LILRA2: variants seen among roughly 807,000 people sequenced by gnomAD.
The protein encoded by LILRA2 is leukocyte immunoglobulin-like receptor subfamily A member 2.
Under a neutral mutation model 47.9 loss-of-function variants are expected in LILRA2, and 45 were observed. That is an observed-to-expected ratio of 0.94 (90% confidence interval 0.74 to 1.20). The LOEUF is 1.20. Ranked by LOEUF, LILRA2 falls within the 50% of genes most tolerant of loss-of-function variation. LILRA2 has a pLI of 0.00. For synonymous variants in LILRA2, 279 were observed against 249.2 expected (o/e 1.12, Z -1.13); for missense variants, 651 against 598.2 (o/e 1.09, Z -0.92).
chr19:54,573,473 A>C (rs181034129), upstream of LILRA2: 238 of 1,084,224 alleles, frequency 2.2e-4, 2 homozygotes, highest in East Asian at 5.1e-3. Flanking sequence ...GGACGGGCTG[A>C]AGGAGGGAGG....
chr19:54,574,085 T>C lies in LILRA2; in HGVS notation c.44T>C (p.Leu15Pro), dbSNP rs769478821. ...GGGAACTCTCTTCCAGGGCTGAGTC[T>C]GGGCCCCAGGACCCACGTGCAGGCA... Reference protein sequence around the residue: ...LTVLICLGLSLGPRTHVQAGH... With the variant: ...LTVLICLGLSPGPRTHVQAGH... Residue 15 changes from leucine (L) to proline (P), a missense_variant, in exon 2 of 8, where the codon CTG becomes CCG. By Grantham distance (98) the Leu-to-Pro change is moderately conservative. Coordinates refer to ENST00000391738, the MANE Select transcript of LILRA2 (RefSeq NM_001130917.3). 1.9e-6 allele frequency: 3 copies of C among 1,614,224 alleles called. No individual in the cohort carries two copies. The highest frequency in any genetic ancestry group is 1.7e-6 in the Non-Finnish European group (2 of 1,180,032).
chr19:54,587,525 G>A lies in LILRA2; in HGVS notation c.*179G>A. On this transcript the variant is annotated 3_prime_UTR_variant, in exon 8 of 8. Coordinates refer to ENST00000391738, the MANE Select transcript of LILRA2 (RefSeq NM_001130917.3). ...AAACTGTCTGGGGTGATTCCTAGAA[G>A]ATCATTAAACTGTGGTACATTTTTT... 9.3e-7 allele frequency: 1 copy of A among 1,073,160 alleles called. No individual in the cohort carries two copies. The highest frequency in any genetic ancestry group is 1.3e-6 in the Non-Finnish European group (1 of 767,502). The allele number at this position is 1,073,160 out of a possible 1,614,324, so 66.5% of individuals were successfully genotyped here. A position where few individuals can be genotyped will look rare whatever the true frequency, so the allele number is the denominator to read the frequency against.
intron 6 of LILRA2, among the ~76,000 whole-genome samples, chr19:54,582,330 G>C (rs1163017637): frequency 6.6e-6 from 1 of 152,166 alleles, no homozygotes; most frequent in Non-Finnish European, 1.5e-5. Context: ...CCATTGACTG[G>C]AGTAGTTTCA....
rs1332050504 is a variant in LILRA2, at chr19:54,574,841, T to C, written c.463T>C (p.Cys155Arg). ...SQVAFDGFIL[C>R]KEGEDEHPQR... is the part of the protein sequence containing the mutation. Reference sequence around the variant, plus strand: ...GGTGGCATTTGACGGCTTCATTCTGTGTAAGGAAGGAGAAGATGAACACCC... The same window carrying C: ...GGTGGCATTTGACGGCTTCATTCTGCGTAAGGAAGGAGAAGATGAACACCC... The change falls in exon 4 of 8, where the codon TGT becomes CGT. Residue 155 changes from cysteine (C) to arginine (R), a missense_variant. Coordinates refer to ENST00000391738, the MANE Select transcript of LILRA2 (RefSeq NM_001130917.3). 1.9e-6 allele frequency: 3 copies of C among 1,614,090 alleles called. No homozygotes were observed. The highest frequency in any genetic ancestry group is 2.5e-6 in the Non-Finnish European group (3 of 1,180,044).
chr19:54,574,873 C>T lies in LILRA2; in HGVS notation c.495C>T (p.Arg165=), dbSNP rs1296558734. The T allele has an allele frequency of 3.7e-6, 6 of 1,614,160 alleles. No individual in the cohort carries two copies. In the South Asian group the frequency reaches 4.4e-5, roughly 12 times the overall value. The part of the protein sequence containing the change: ...CKEGEDEHPQ[R]LNSHSHARGW... ...AAGGAGAAGATGAACACCCACAACG[C>T]CTGAACTCCCATTCCCATGCCCGTG... Residue 165 remains arginine, a synonymous_variant, in exon 4 of 8, where the codon CGC becomes CGT. Transcript: ENST00000391738.
intron 6 of LILRA2, among the ~76,000 whole-genome samples, chr19:54,583,877 T>C (rs775267020): frequency 4.6e-5 from 7 of 152,246 alleles, no homozygotes; most frequent in Non-Finnish European, 8.8e-5. Context: ...CAGTGGTCTT[T>C]ACCATTTGGC....
rs957657755 is a variant in LILRA2, at chr19:54,590,036, T to G, written c.*2690T>G. 2.6e-5 allele frequency: 4 copies of G among 152,042 alleles called. No homozygotes were observed. The highest frequency in any genetic ancestry group is 9.6e-5 in the African/African-American group (4 of 41,460). The allele number at this position is 152,042 out of a possible 1,614,324, so 9.4% of individuals were successfully genotyped here. A position where few individuals can be genotyped will look rare whatever the true frequency, so the allele number is the denominator to read the frequency against. On this transcript the variant is annotated 3_prime_UTR_variant, in exon 8 of 8. Transcript: ENST00000391738. Reference sequence around the variant, plus strand: ...TGCTCTATCATAGTTAAGACATTAATGTTATTTATGAATTTGTGCACATTA... The same window carrying G: ...TGCTCTATCATAGTTAAGACATTAAGGTTATTTATGAATTTGTGCACATTA...
rs768729695 is a variant in LILRA2 at position 54,574,850 on chromosome 19, G to A, written c.472G>A (p.Gly158Arg). 3.1e-5 allele frequency: 50 copies of A among 1,614,148 alleles called. No individual in the cohort carries two copies. Among genetic ancestry groups the A allele is most frequent in the Non-Finnish European group, 1.7e-6 (2 of 1,180,056 alleles). Residue 158 changes from glycine to arginine, a missense_variant, in exon 4 of 8, where the codon GGA becomes AGA. Transcript: ENST00000391738. ...TGACGGCTTCATTCTGTGTAAGGAA[G>A]GAGAAGATGAACACCCACAACGCCT... ...AFDGFILCKE[G>R]EDEHPQRLNS...
rs1267618987 is a variant in LILRA2 at position 54,575,733 on chromosome 19, C to T, written c.953-74C>T. 2.7e-5 allele frequency: 44 copies of T among 1,600,914 alleles called. No individual in the cohort carries two copies. In the East Asian group the frequency reaches 9.9e-4, roughly 36 times the overall value. On this transcript the variant is annotated intron_variant, in intron 5 of 7. Coordinates refer to ENST00000391738, the MANE Select transcript of LILRA2 (RefSeq NM_001130917.3). ...AACAGAGACAGAGAGACTAAGGGTC[C>T]CAGGGAGAGGCCTGGGGAGGTCTCA...
chr19:54,577,499 G>C, intron 6 of LILRA2: 1 of 1,289,420 alleles, frequency 7.8e-7, no homozygotes, highest in Non-Finnish European at 1.0e-6. Flanking sequence ...CCACACCTGC[G>C]GGGTCCCTGG....
chr19:54,580,058 G>T (rs1210176172), intron 6 of LILRA2, among the ~76,000 whole-genome samples: 4 of 152,164 alleles, frequency 2.6e-5, no homozygotes, highest in Non-Finnish European at 5.9e-5. Flanking sequence ...TGCAAGCAGA[G>T]ATAATTTGAC....
Position 54,575,555 on chromosome 19 carries a change from G to T in LILRA2, c.952+3G>T. The T allele has an allele frequency of 3.1e-6, 5 of 1,611,852 alleles. No individual in the cohort carries two copies. Among genetic ancestry groups the T allele is most frequent in the Non-Finnish European group, 4.2e-6 (5 of 1,179,750 alleles). ...CCCCCTGGACATCCTGATCACAGGT[G>T]AGGAGCCCAGCGGGTTCAGTCAGGG... On this transcript the variant is annotated splice_donor_region_variant and intron_variant, in intron 5 of 7. Transcript: ENST00000391738.
chr19:54,584,361 G>A (rs538918999), intron 6 of LILRA2, among the ~76,000 whole-genome samples: 2 of 152,178 alleles, frequency 1.3e-5, no homozygotes, highest in South Asian at 2.1e-4. Flanking sequence ...ATATTCTGAA[G>A]AGTGTTTTCT....
At chr19:54,576,946 C>T (rs2062471368) in intron 6 of LILRA2, among the ~76,000 whole-genome samples, 1 of 152,294 alleles carries the variant, frequency 6.6e-6, no homozygotes, top group Non-Finnish European at 1.5e-5. Context: ...CCCAAAGCCC[C>T]TTCATTTCTG....
At chr19:54,583,451 G>A (rs1017378608) in intron 6 of LILRA2, among the ~76,000 whole-genome samples, 2 of 152,246 alleles carry the variant, frequency 1.3e-5, no homozygotes, top group African/African-American at 4.8e-5. Flanking sequence ...TTGAATCTGG[G>A]TGCTCCTGTA....
intron 6 of LILRA2, among the ~76,000 whole-genome samples, chr19:54,582,857 A>C (rs1277025936): frequency 6.6e-6 from 1 of 151,774 alleles, no homozygotes; most frequent in Non-Finnish European, 1.5e-5. Context: ...TAGTTCTTTT[A>C]ATTGTGATGT....
At chr19:54,578,857 A>G (rs2062557390) in intron 6 of LILRA2, among the ~76,000 whole-genome samples, 2 of 152,214 alleles carry the variant, frequency 1.3e-5, no homozygotes, top group Admixed American at 6.5e-5. Flanking sequence ...TTTGATGTGC[A>G]TTTCTCTGAT....
upstream of LILRA2, chr19:54,573,626 G>T: frequency 2.4e-6 from 2 of 837,284 alleles, no homozygotes; most frequent in Non-Finnish European, 3.7e-6. Flanking sequence ...ACAGACAGTG[G>T]CTGGGGGGCA....
chr19:54,574,271 C>T (rs763505527), intron 2 of LILRA2, 30 bp from the exon 3 acceptor site: 9 of 1,613,770 alleles, frequency 5.6e-6, no homozygotes, highest in Non-Finnish European at 7.6e-6. Flanking sequence ...TGGGAAATGA[C>T]TTAGAATCCG....
Sources: allele counts gnomAD v4.1 joint callset (sites outside exome capture counted in the v4.1 genomes callset), GRCh38; gene constraint gnomAD v4.1.1; transcripts MANE v1.5; gene names NCBI Gene and HGNC (gene_info 2026-07-23, HGNC 2026-07-21).